Variants in HTRA4 observed in about 807,000 individuals in gnomAD.
HTRA4 encodes the protein HtrA serine peptidase 4, also known as serine protease HTRA4.
In HTRA4, 46 loss-of-function variants were observed where a neutral mutation model predicts 49.1. The ratio of observed to expected loss-of-function variants is 0.94; its 90% confidence interval spans 0.74 to 1.20. The LOEUF (loss-of-function observed/expected upper bound fraction) is 1.20. HTRA4 is among the 50% of genes most tolerant of loss of function. The pLI is 0.00. For synonymous variants in HTRA4, 261 were observed against 264.0 expected (o/e 0.99, Z 0.11); for missense variants, 602 against 636.9 (o/e 0.95, Z 0.59).
Position 38,974,644 on chromosome 8 carries a change from C to T in HTRA4, c.381C>T (p.Cys127=). ...GSDRRTYPSM[C]ALRAENRAAR... ...ACAGGCGCACCTACCCCAGCATGTGCGCGCTCCGGGCCGAAAACCGCGCCG... is the reference window on the plus strand; with the variant it reads ...ACAGGCGCACCTACCCCAGCATGTGTGCGCTCCGGGCCGAAAACCGCGCCG... Residue 127 remains cysteine (C), a synonymous_variant, in exon 1 of 9, where the codon TGC becomes TGT. Coordinates refer to ENST00000302495, the MANE Select transcript of HTRA4 (RefSeq NM_153692.4). 1 of 1,408,474 alleles carries T rather than the reference C, an allele frequency of 7.1e-7. No homozygotes were observed. The highest frequency in any genetic ancestry group is 3.3e-5 in the Admixed American group (1 of 30,340). The allele number at this position is 1,408,474 out of a possible 1,614,324, so 87.2% of individuals were successfully genotyped here. A position where few individuals can be genotyped will look rare whatever the true frequency, so the allele number is the denominator to read the frequency against.
chr8:38,982,545 C>T lies in HTRA4; in HGVS notation c.1162C>T (p.Leu388Phe), dbSNP rs200095456. 4.6e-5 allele frequency: 74 copies of T among 1,614,016 alleles called. No homozygotes were observed. Among genetic ancestry groups the T allele is most frequent in the Non-Finnish European group, 5.9e-5 (70 of 1,179,988 alleles). Reference protein sequence around the residue: ...KKYLGLQMLSLTVPLSEELKM... With the variant: ...KKYLGLQMLSFTVPLSEELKM... ...ATATCTGGGTCTGCAAATGCTGTCCCTCACTGTGCCGTAAGCATGTGTTTG... is the reference window on the plus strand; with the variant it reads ...ATATCTGGGTCTGCAAATGCTGTCCTTCACTGTGCCGTAAGCATGTGTTTG... Residue 388 changes from leucine to phenylalanine, a missense_variant, in exon 7 of 9, where the codon CTC becomes TTC. Transcript: ENST00000302495.
Position 38,981,783 on chromosome 8 carries a change from A to ATTT in HTRA4, c.1114+27_1114+29dup. ...CAGATGAAAGGTAAAGCAAGTTGGG[A>ATTT]TTTTTTTTTTTTTGGTTTCGTCTTG... On this transcript the variant is annotated intron_variant, in intron 6 of 8. Coordinates refer to ENST00000302495, the MANE Select transcript of HTRA4 (RefSeq NM_153692.4). 5 of 1,287,408 alleles carry ATTT rather than the reference A, an allele frequency of 3.9e-6. No individual in the cohort carries two copies. The highest frequency in any genetic ancestry group is 4.3e-6 in the Non-Finnish European group (4 of 925,650). 79.7% of individuals were successfully genotyped at this position (1,287,408 alleles called of 1,614,324 possible).
At chr8:38,975,740 C>T (rs1835343530) in intron 2 of HTRA4, among the ~76,000 whole-genome samples, 1 of 152,156 alleles carries the variant, frequency 6.6e-6, no homozygotes, top group African/African-American at 2.4e-5. Context: ...CTTGCTCAGC[C>T]CCCACTTTGG....
intron 5 of HTRA4, among the ~76,000 whole-genome samples, chr8:38,981,130 A>AGTG (rs1314224106): frequency 8.6e-6 from 1 of 115,790 alleles, no homozygotes; most frequent in African/African-American, 3.2e-5. Context: ...CCCAGGCCGG[A>AGTG]GTGCAGTGGC....
chr8:38,975,318 A>T (rs1835335948), intron 2 of HTRA4, among the ~76,000 whole-genome samples, 188 bp downstream of exon 2: 1 of 152,186 alleles, frequency 6.6e-6, no homozygotes, highest in African/African-American at 2.4e-5. Flanking sequence ...CTGACTTCTA[A>T]ATCCCAGCTC....
chr8:38,980,411 A>G (rs1331097664), intron 5 of HTRA4, among the ~76,000 whole-genome samples: 1 of 151,996 alleles, frequency 6.6e-6, no homozygotes, highest in Non-Finnish European at 1.5e-5. Context: ...CTGAATTACA[A>G]TCTGTAGTTT....
Position 38,975,136 on chromosome 8 carries a change from G to A in HTRA4, c.566+6G>A, listed in dbSNP as rs563346757. 82 of 1,612,248 alleles carry A rather than the reference G, an allele frequency of 5.1e-5. No homozygotes were observed. Among genetic ancestry groups the A allele is most frequent in the Non-Finnish European group, 6.0e-5 (71 of 1,179,212 alleles). ...CACGTGCAGCTGTGGGGCAGGTAAA[G>A]GAGGAGGAGGAAGACCTCCACTGTC... On this transcript the variant is annotated splice_donor_region_variant and intron_variant, in intron 2 of 8. Coordinates refer to ENST00000302495, the MANE Select transcript of HTRA4 (RefSeq NM_153692.4).
In HTRA4 at chr8:38,974,681, G is replaced by C; in HGVS notation, c.418G>C (p.Gly140Arg). The C allele has an allele frequency of 7.1e-7, 1 of 1,404,788 alleles. No homozygotes were observed. Among genetic ancestry groups the C allele is most frequent in the South Asian group, 1.6e-5 (1 of 61,738 alleles). 87.0% of individuals were successfully genotyped at this position (1,404,788 alleles called of 1,614,324 possible). ...CGAAAACCGCGCCGCGCGCCGCCTG[G>C]GCAAGGTCCCGGCCGTGCCTGTGCA... ...RAENRAARRL[G>R]KVPAVPVQWG... Residue 140 changes from glycine (G) to arginine (R), a missense_variant, in exon 1 of 9, where the codon GGC becomes CGC. Transcript: ENST00000302495.
At chr8:38,977,888 C>A in intron 3 of HTRA4, 65 bp from the exon 4 acceptor site, 1 of 1,550,272 alleles carries the variant, frequency 6.5e-7, no homozygotes, top group South Asian at 1.1e-5. Context: ...ACACTTTGGT[C>A]AATTCTGATC....
At position 38,983,025 on chromosome 8, in the gene HTRA4, G is replaced by T; in HGVS notation, c.1245G>T (p.Val415=). ...GTTCTGGGGTTTATGTATGTAAAGT[G>T]GTTGAAGGAACAGCTGCTCAAAGGT... ...DVSSGVYVCK[V]VEGTAAQSSG... Residue 415 remains valine (V), a synonymous_variant, in exon 8 of 9, where the codon GTG becomes GTT. Coordinates refer to ENST00000302495, the MANE Select transcript of HTRA4 (RefSeq NM_153692.4). 1 of 1,613,412 alleles carries T rather than the reference G, an allele frequency of 6.2e-7. No homozygotes were observed. Among genetic ancestry groups the T allele is most frequent in the Non-Finnish European group, 8.5e-7 (1 of 1,179,456 alleles).
At chr8:38,982,046 C>T (rs1156736659) in intron 6 of HTRA4, among the ~76,000 whole-genome samples, 4 of 152,050 alleles carry the variant, frequency 2.6e-5, no homozygotes, top group Admixed American at 6.5e-5. Flanking sequence ...CGGGGTTTCA[C>T]TATGTTGGCC....
chr8:38,979,613 T>G (rs1835394998), intron 5 of HTRA4, among the ~76,000 whole-genome samples: 1 of 152,218 alleles, frequency 6.6e-6, no homozygotes, highest in African/African-American at 2.4e-5. Flanking sequence ...CGGCTTCCTT[T>G]GAAATTTCTC....
chr8:38,987,434 C>A (rs1422579616), intron 8 of HTRA4, among the ~76,000 whole-genome samples: 2 of 140,138 alleles, frequency 1.4e-5, no homozygotes. Flanking sequence ...TCCTATAATG[C>A]AGCTCAGCAT....
At chr8:38,983,318 C>T (rs1286898513) in intron 8 of HTRA4, among the ~76,000 whole-genome samples, 2 of 152,202 alleles carry the variant, frequency 1.3e-5, no homozygotes. Flanking sequence ...GGGTGGATCA[C>T]CTGAGGTCAG....
rs1427270190 is a variant in HTRA4, at chr8:38,981,686, G to A, written c.1033G>A (p.Val345Met). The A allele has an allele frequency of 6.2e-7, 1 of 1,613,466 alleles. No homozygotes were observed. Residue 345 changes from valine (V) to methionine (M), a missense_variant, in exon 6 of 9, where the codon GTG becomes ATG. By Grantham distance (21) the Val-to-Met change is conservative. Coordinates refer to ENST00000302495, the MANE Select transcript of HTRA4 (RefSeq NM_153692.4). ...TGTGATTGGCGTCAATTCATTGAGGGTGACTGATGGAATCTCCTTTGCAAT... is the reference window on the plus strand; with the variant it reads ...TGTGATTGGCGTCAATTCATTGAGGATGACTGATGGAATCTCCTTTGCAAT... ...GDVIGVNSLR[V>M]TDGISFAIPS... is the part of the protein sequence containing the mutation.
intron 4 of HTRA4, 74 bp from the exon 5 acceptor site, chr8:38,979,141 G>A: frequency 7.4e-7 from 1 of 1,358,954 alleles, no homozygotes; most frequent in Admixed American, 1.7e-5. Context: ...AACTGTTTTG[G>A]GAGCTATGTG....
At chr8:38,976,322 G>GAATTGCTTGAA (rs11270005) in intron 2 of HTRA4, among the ~76,000 whole-genome samples, 121,232 of 151,846 alleles carry the variant, frequency 0.8, 48,538 homozygotes, top group East Asian at 0.95. Flanking sequence ...TGAGGCAGGA[G>GAATTGCTTGAA]CCTGGGAGGT....
At chr8:38,981,819 GA>G (rs751603099) in intron 6 of HTRA4, 52 bp downstream of exon 6, 1 of 1,262,062 alleles carries the variant, frequency 7.9e-7, no homozygotes, top group South Asian at 1.3e-5. Flanking sequence ...TGCTTTTCAG[GA>G]ACACTCAATC....
rs1439478008 is a variant in HTRA4 at position 38,978,153 on chromosome 8, T to A, written c.966+6T>A. On this transcript the variant is annotated splice_donor_region_variant and intron_variant, in intron 4 of 8. Coordinates refer to ENST00000302495, the MANE Select transcript of HTRA4 (RefSeq NM_153692.4). ...AGATTGATGCCACAATTAATGTAAG[T>A]CACTTAGGACAGAGGTGCCCAACCC... The A allele has an allele frequency of 1.2e-6, 2 of 1,609,602 alleles. No homozygotes were observed. Among genetic ancestry groups the A allele is most frequent in the East Asian group, 4.5e-5 (2 of 44,872 alleles).
Sources: allele counts gnomAD v4.1 joint callset (sites outside exome capture counted in the v4.1 genomes callset), GRCh38; gene constraint gnomAD v4.1.1; transcripts MANE v1.5; gene names NCBI Gene and HGNC (gene_info 2026-07-23, HGNC 2026-07-21).